Variants in FGD3 observed in about 807,000 individuals in gnomAD.
FGD3 encodes FYVE, RhoGEF and PH domain containing 3.
Under a neutral mutation model 71.8 loss-of-function variants are expected in FGD3, and 45 were observed. The observed-to-expected ratio is 0.63, with a 90% confidence interval of 0.49 to 0.80. The LOEUF is 0.80. Among genes scored for constraint, FGD3 ranks in the 30% least tolerant of loss-of-function variants. The pLI is 0.00. For synonymous variants in FGD3, 378 were observed against 392.8 expected, an observed-to-expected ratio of 0.96 and a Z score of 0.44; for missense variants, 844 against 951.5, an observed-to-expected ratio of 0.89 and a Z score of 1.49.
intron 1 of FGD3, among the ~76,000 whole-genome samples, chr9:92,958,558 T>C (rs1045883197): frequency 6.6e-6 from 1 of 152,238 alleles, no homozygotes; most frequent in Non-Finnish European, 1.5e-5. Context: ...TGATGAAACA[T>C]ATTTTCAGGT....
Position 93,023,795 on chromosome 9 carries a change from C to CTTT in FGD3, c.1557+1430_1557+1432dup, listed in dbSNP as rs569058583. ...ATGACAGGAACCCGCCCATCAGCAA[C>CTTT]TTTTTTTTTTTTTTTTTTTTTTTTT... On this transcript the variant is annotated intron_variant, in intron 14 of 17. Transcript: ENST00000375482. Among the ~76,000 whole-genome samples the CTTT allele has an allele frequency of 4.6e-5, 5 of 107,672 alleles. 1 individual carries two copies. The highest frequency in any genetic ancestry group is 7.2e-5 in the Non-Finnish European group (4 of 55,518). 70.6% of individuals were successfully genotyped at this position (107,672 alleles called of 152,430 possible). A position where few individuals can be genotyped will look rare whatever the true frequency, so the allele number is the denominator to read the frequency against.
chr9:93,033,006 C>T (rs1445760803), intron 16 of FGD3, 133 bp downstream of exon 16: 39 of 898,486 alleles, frequency 4.3e-5, no homozygotes, highest in East Asian at 7.8e-5. Flanking sequence ...GTGGGTGTGT[C>T]TCAGTGGGGC....
chr9:92,985,345 T>C (rs758316851), intron 3 of FGD3, among the ~76,000 whole-genome samples: 26 of 152,296 alleles, frequency 1.7e-4, no homozygotes, highest in Admixed American at 1.6e-3. Context: ...TATAAAAGAC[T>C]GAGGAGGTGA....
intron 3 of FGD3, among the ~76,000 whole-genome samples, chr9:92,988,510 C>T (rs907000185): frequency 1.3e-5 from 2 of 152,216 alleles, no homozygotes; most frequent in Admixed American, 1.3e-4. Flanking sequence ...GGCGGGGCCC[C>T]TGCTCCCCTG....
chr9:93,004,889 A>G (rs1041210175), intron 5 of FGD3, among the ~76,000 whole-genome samples: 1 of 152,154 alleles, frequency 6.6e-6, no homozygotes, highest in Admixed American at 6.5e-5. Context: ...GGGAGGGGCT[A>G]TGTCAATTTA....
At chr9:92,978,490 A>G (rs10821049) in intron 3 of FGD3, among the ~76,000 whole-genome samples, 92,468 of 147,210 alleles carry the variant, frequency 0.63, 29,015 homozygotes, top group African/African-American at 0.69. Flanking sequence ...CTTTCTTTCA[A>G]TGAGAAGATC....
chr9:93,015,342 G>A (rs1861629516), intron 9 of FGD3, among the ~76,000 whole-genome samples: 1 of 152,136 alleles, frequency 6.6e-6, no homozygotes, highest in South Asian at 2.1e-4. Flanking sequence ...TGTAATTCCA[G>A]CTACTCGGGA....
intron 15 of FGD3, 54 bp downstream of exon 15, chr9:93,030,050 G>C: frequency 1.3e-6 from 2 of 1,589,588 alleles, no homozygotes; most frequent in Non-Finnish European, 1.7e-6. Flanking sequence ...CCTCTGCTCT[G>C]ACAGAGCAGC....
intron 2 of FGD3, 109 bp from the exon 3 acceptor site, chr9:92,976,099 T>G: frequency 9.3e-6 from 6 of 644,760 alleles, no homozygotes; most frequent in Non-Finnish European, 1.6e-5. Context: ...GCTCCAGGCT[T>G]TCGGTGGGGG....
intron 1 of FGD3, among the ~76,000 whole-genome samples, chr9:92,948,106 C>T (rs1228665497): frequency 1.3e-5 from 2 of 152,170 alleles, no homozygotes; most frequent in Admixed American, 1.3e-4. Flanking sequence ...CCACCCTTCC[C>T]CATTCTTCCC....
intron 8 of FGD3, among the ~76,000 whole-genome samples, chr9:93,012,248 C>A (rs555955449): frequency 5.3e-5 from 8 of 151,986 alleles, no homozygotes; most frequent in Non-Finnish European, 1.0e-4. Flanking sequence ...GGTACTTTCC[C>A]TAGGCAGTTT....
intron 14 of FGD3, among the ~76,000 whole-genome samples, chr9:93,023,495 C>G (rs1862004235): frequency 6.6e-6 from 1 of 152,212 alleles, no homozygotes; most frequent in Admixed American, 6.5e-5. Context: ...AGACAGGCAC[C>G]CTGCAGGGAC....
At chr9:93,027,537 A>G (rs1862159254) in intron 14 of FGD3, among the ~76,000 whole-genome samples, 1 of 152,088 alleles carries the variant, frequency 6.6e-6, no homozygotes, top group Non-Finnish European at 1.5e-5. Context: ...ATGTCTCTTT[A>G]AAGGCCCTGT....
chr9:92,967,790 G>C (rs1161518432), intron 1 of FGD3, among the ~76,000 whole-genome samples: 1 of 152,102 alleles, frequency 6.6e-6, no homozygotes, highest in East Asian at 1.9e-4. Flanking sequence ...GACCAGGCTG[G>C]TCTCAATCTC....
chr9:92,976,213 C>T lies in FGD3; in HGVS notation c.-44C>T. On this transcript the variant is annotated 5_prime_UTR_variant, in exon 3 of 18. Transcript: ENST00000375482. ...GGCTTGTTTCTCCCCTACAGGAAGC[C>T]CCTGGCCAGCCTCCACCTGAGCCCA... 1 of 1,467,596 alleles carries T rather than the reference C, an allele frequency of 6.8e-7. No individual in the cohort carries two copies. Among genetic ancestry groups the T allele is most frequent in the Non-Finnish European group, 9.1e-7 (1 of 1,101,646 alleles). The allele number at this position is 1,467,596 out of a possible 1,614,324, so 90.9% of individuals were successfully genotyped here.
intron 16 of FGD3, chr9:93,033,961 G>GGT (rs1862480756): frequency 1.3e-5 from 2 of 152,354 alleles, no homozygotes; most frequent in African/African-American, 2.4e-5. Context: ...TTTAAATACC[G>GGT]AGGTGTGTTC....
rs1158132776 is a variant in FGD3 at position 93,031,026 on chromosome 9, T to C, written c.1680+1030T>C. ...GAAGTATGGGTGGATAGATGAATGG[T>C]TGGATGGATGGATGAATGAATGAGT... On this transcript the variant is annotated intron_variant, in intron 15 of 17. Coordinates refer to ENST00000375482, the MANE Select transcript of FGD3 (RefSeq NM_001083536.2). 2.0e-5 allele frequency among the ~76,000 whole-genome samples: 3 copies of C among 150,846 alleles called. No homozygotes were observed. The South Asian group carries it at 6.3e-4, about 32-fold the overall frequency.
intron 8 of FGD3, 149 bp downstream of exon 8, chr9:93,011,421 G>A (rs1264330968): frequency 1.1e-5 from 10 of 928,180 alleles, no homozygotes; most frequent in African/African-American, 1.6e-5. Context: ...TCCCCAGGGG[G>A]GTCAGCTGGA....
intron 15 of FGD3, among the ~76,000 whole-genome samples, chr9:93,031,415 T>C (rs1385964714): frequency 2.0e-5 from 3 of 152,186 alleles, no homozygotes; most frequent in Admixed American, 6.5e-5. Context: ...CAACCTGGAC[T>C]TCCCCAGCAG....
Sources: allele counts gnomAD v4.1 joint callset (sites outside exome capture counted in the v4.1 genomes callset), GRCh38; gene constraint gnomAD v4.1.1; transcripts MANE v1.5; gene names NCBI Gene and HGNC (gene_info 2026-07-23, HGNC 2026-07-21).